EDEM2: variants seen among roughly 807,000 people sequenced by gnomAD.
EDEM2 encodes ER degradation enhancing alpha-mannosidase like protein 2, also known as ER degradation-enhancing alpha-mannosidase-like protein 2.
Under a neutral mutation model 64.8 loss-of-function variants are expected in EDEM2, and 39 were observed. The ratio of observed to expected loss-of-function variants is 0.60; its 90% CI spans 0.47 to 0.79. The LOEUF (loss-of-function observed/expected upper bound fraction) is 0.79, where lower values mean the gene tolerates loss of function less well. Ranked by LOEUF, EDEM2 falls within the 30% of genes least tolerant of loss-of-function variation. EDEM2 has a pLI of 0.00. For synonymous variants in EDEM2, 296 were observed against 291.5 expected (o/e 1.02, Z -0.16); for missense variants, 609 against 731.3 (o/e 0.83, Z 1.93).
At position 35,126,210 on chromosome 20, in the gene EDEM2, A is replaced by G. The variant is rs374764703; in HGVS notation, c.969+41T>C. Reference sequence around the variant, plus strand: ...TACATCAGAATGAGCTTGCTTTGCCAGACTCATAGAAAGATGATCACATTC... The same window carrying G: ...TACATCAGAATGAGCTTGCTTTGCCGGACTCATAGAAAGATGATCACATTC... On this transcript the variant is annotated intron_variant, in intron 8 of 10. Transcript: ENST00000374492. The G allele has an allele frequency of 1.3e-5, 20 of 1,598,134 alleles. No homozygotes were observed. The African/African-American group carries it at 2.7e-4, about 22-fold the overall frequency.
chr20:35,146,787 C>A (rs1326111865), intron 2 of EDEM2, 38 bp downstream of exon 2: 1 of 1,603,900 alleles, frequency 6.2e-7, no homozygotes, highest in East Asian at 2.3e-5. Flanking sequence ...CCCAGAGAGT[C>A]AGACCCTGGC....
At position 35,133,957 on chromosome 20, in the gene EDEM2, G is replaced by A. The variant is rs550023002; in HGVS notation, c.702+781C>T. ...GAAGTAACTGAGGACCAGAGAGGTT[G>A]AGTGACTTGCTCAGGGTCACACAGT... On this transcript the variant is annotated intron_variant, in intron 6 of 10. Transcript: ENST00000374492. 1.1e-5 allele frequency: 4 copies of A among 374,874 alleles called. No homozygotes were observed. The Admixed American group carries it at 1.1e-4, about 10-fold the overall frequency. 23.2% of individuals were successfully genotyped at this position (374,874 alleles called of 1,614,324 possible). A position where few individuals can be genotyped will look rare whatever the true frequency, so the allele number is the denominator to read the frequency against.
chr20:35,125,866 T>C (rs1039006363), intron 8 of EDEM2, among the ~76,000 whole-genome samples: 3 of 152,246 alleles, frequency 2.0e-5, no homozygotes, highest in African/African-American at 7.2e-5. Context: ...TACCAGACCA[T>C]GTAATGGAAA....
chr20:35,119,260 G>A (rs1054116522), intron 9 of EDEM2, among the ~76,000 whole-genome samples: 8 of 152,078 alleles, frequency 5.3e-5, no homozygotes, highest in African/African-American at 1.2e-4. Context: ...CATAAGGCTC[G>A]TTCTAAGATA....
At chr20:35,137,843 G>A (rs1200657453) in intron 5 of EDEM2, 37 bp downstream of exon 5, 2 of 1,606,596 alleles carry the variant, frequency 1.2e-6, no homozygotes, top group Non-Finnish European at 1.7e-6. Context: ...AGGACCTACT[G>A]GACTTCGTCT....
intron 7 of EDEM2, among the ~76,000 whole-genome samples, chr20:35,131,413 T>C (rs2085503508): frequency 1.3e-5 from 2 of 152,082 alleles, no homozygotes; most frequent in Admixed American, 1.3e-4. Context: ...TAGCTGGATG[T>C]GATGGTGTGC....
chr20:35,147,272 T>C lies in EDEM2; in HGVS notation c.-14A>G, dbSNP rs368388456. 2.6e-6 allele frequency: 4 copies of C among 1,513,812 alleles called. No individual in the cohort carries two copies. The African/African-American group carries it at 5.6e-5, about 21-fold the overall frequency. The allele number at this position is 1,513,812 out of a possible 1,614,324, so 93.8% of individuals were successfully genotyped here. A position where few individuals can be genotyped will look rare whatever the true frequency, so the allele number is the denominator to read the frequency against. ...CCGGAAAGGCATAGAGCTCGTGTCC[T>C]CTCAGCGCCCCCGCAGCAGCAGCAG... On this transcript the variant is annotated 5_prime_UTR_variant, in exon 1 of 11. Transcript: ENST00000374492.
rs138097048 is a variant in EDEM2, at chr20:35,144,883, G to A, written c.258+96C>T. 1.2e-4 allele frequency: 174 copies of A among 1,398,308 alleles called. 1 individual carries two copies. In the East Asian group the frequency reaches 3.9e-3, roughly 31 times the overall value. The allele number at this position is 1,398,308 out of a possible 1,614,324, so 86.6% of individuals were successfully genotyped here. On this transcript the variant is annotated intron_variant, in intron 3 of 10. Transcript: ENST00000374492. ...TGAGATGCAAATAAAAGGCCTAGGA[G>A]AGGAATTCATTTTTCACCCACAGTC...
chr20:35,127,260 G>A (rs928584611), intron 7 of EDEM2, among the ~76,000 whole-genome samples: 17 of 152,146 alleles, frequency 1.1e-4, no homozygotes, highest in African/African-American at 3.4e-4. Context: ...CCAGTCTTGA[G>A]TACGTCTTTA....
intron 2 of EDEM2, among the ~76,000 whole-genome samples, 192 bp from the exon 3 acceptor site, chr20:35,145,210 G>C (rs2085712658): frequency 6.6e-6 from 1 of 152,182 alleles, no homozygotes; most frequent in East Asian, 1.9e-4. Flanking sequence ...CACCTGGGAG[G>C]GTTGGCTGAT....
At chr20:35,139,899 G>T (rs1048381771) in intron 4 of EDEM2, among the ~76,000 whole-genome samples, 1 of 151,880 alleles carries the variant, frequency 6.6e-6, no homozygotes, top group African/African-American at 2.4e-5. Context: ...ACCAAAACAA[G>T]ATTCTCTACA....
At chr20:35,120,585 G>T (rs113917793) in intron 9 of EDEM2, among the ~76,000 whole-genome samples, 1 of 144,216 alleles carries the variant, frequency 6.9e-6, no homozygotes, top group Non-Finnish European at 1.5e-5. Flanking sequence ...TTCTTTTTTC[G>T]GCTTCTTCTT....
intron 5 of EDEM2, 149 bp downstream of exon 5, chr20:35,137,731 T>C (rs1411718321): frequency 1.7e-6 from 2 of 1,193,896 alleles, no homozygotes; most frequent in African/African-American, 3.1e-5. Context: ...ACACTCCTGA[T>C]TTCCATGGTG....
intron 3 of EDEM2, among the ~76,000 whole-genome samples, chr20:35,144,255 C>T (rs2085698592): frequency 6.6e-6 from 1 of 152,000 alleles, no homozygotes. Context: ...AGGTACTAAC[C>T]TCAAGAAGTT....
intron 9 of EDEM2, among the ~76,000 whole-genome samples, chr20:35,122,228 G>A (rs2085378275): frequency 6.6e-6 from 1 of 152,102 alleles, no homozygotes; most frequent in Non-Finnish European, 1.5e-5. Flanking sequence ...GCCATATTAG[G>A]AAAATTCCAA....
At chr20:35,136,781 A>G (rs1047071555) in intron 5 of EDEM2, among the ~76,000 whole-genome samples, 3 of 150,120 alleles carry the variant, frequency 2.0e-5, no homozygotes, top group Non-Finnish European at 4.4e-5. Flanking sequence ...AAAAATTAAG[A>G]AAGAAAAGGG....
intron 4 of EDEM2, among the ~76,000 whole-genome samples, chr20:35,140,433 G>A (rs964646899): frequency 6.6e-6 from 1 of 152,014 alleles, no homozygotes; most frequent in African/African-American, 2.4e-5. Context: ...AGCCAAGATC[G>A]CGCCACTGCA....
chr20:35,127,453 A>C (rs1356560071), intron 7 of EDEM2, among the ~76,000 whole-genome samples: 1 of 152,156 alleles, frequency 6.6e-6, no homozygotes, highest in Non-Finnish European at 1.5e-5. Context: ...TTTATCCCTC[A>C]TATCTCTCCC....
intron 5 of EDEM2, among the ~76,000 whole-genome samples, chr20:35,136,460 T>C (rs1374812001): frequency 6.6e-6 from 1 of 151,904 alleles, no homozygotes; most frequent in Admixed American, 6.6e-5. Context: ...AAGTGCTATG[T>C]GAGAAGGATA....
Sources: gnomAD v4.1 joint callset for allele counts (sites outside exome capture counted in the v4.1 genomes callset) on GRCh38, gnomAD v4.1.1 for gene constraint, MANE v1.5 for transcripts, NCBI Gene and HGNC (gene_info 2026-07-23, HGNC 2026-07-21) for gene names.